Variants in SORT1 observed in about 807,000 individuals in gnomAD.
SORT1 encodes sortilin.
A neutral mutation model predicts 101.7 loss-of-function variants in SORT1; 39 were observed. The observed-to-expected ratio is 0.38, with a 90% CI of 0.30 to 0.50. The LOEUF is 0.50. SORT1 is among the 20% of genes least tolerant of loss of function. SORT1 has a pLI of 0.90. For synonymous variants in SORT1, 396 were observed against 393.7 expected (o/e 1.01, Z -0.07); for missense variants, 878 against 1,040.4 (o/e 0.84, Z 2.15).
chr1:109,384,888 G>C (rs1652476881), intron 1 of SORT1, among the ~76,000 whole-genome samples: 1 of 152,044 alleles, frequency 6.6e-6, no homozygotes, highest in Non-Finnish European at 1.5e-5. Context: ...AACCAGCCTG[G>C]GCAACATGGT....
chr1:109,386,067 A>G (rs1452249380), intron 1 of SORT1, among the ~76,000 whole-genome samples: 1 of 152,226 alleles, frequency 6.6e-6, no homozygotes, highest in African/African-American at 2.4e-5. Flanking sequence ...TTATATTAGT[A>G]TTATATATTA....
chr1:109,366,778 G>C (rs1651118575), intron 3 of SORT1: 1 of 152,094 alleles, frequency 6.6e-6, no homozygotes, highest in Non-Finnish European at 1.5e-5. Context: ...GGAGGTACGT[G>C]CCTGTAATGC....
rs1049420355 is a variant in SORT1 at position 109,347,540 on chromosome 1, G to A, written c.783-8C>T. The A allele has an allele frequency of 1.2e-6, 2 of 1,603,576 alleles. No individual in the cohort carries two copies. Among genetic ancestry groups the A allele is most frequent in the Non-Finnish European group, 8.5e-7 (1 of 1,170,602 alleles). Reference sequence around the variant, plus strand: ...ATGGTGTTGTCTGATCCCCTACAATGAGGCAAAAACAGGGAAAAGAAATGG... The same window carrying A: ...ATGGTGTTGTCTGATCCCCTACAATAAGGCAAAAACAGGGAAAAGAAATGG... On this transcript the variant is annotated splice_region_variant and splice_polypyrimidine_tract_variant and intron_variant, in intron 6 of 19. Transcript: ENST00000256637.
At chr1:109,360,107 T>A (rs149988020) in intron 3 of SORT1, among the ~76,000 whole-genome samples, 217 of 152,174 alleles carry the variant, frequency 1.4e-3, no homozygotes, top group African/African-American at 5.1e-3. Context: ...AAAGAGTAGG[T>A]CTTAAGGCTG....
At chr1:109,319,369 G>C (rs1269437305) in intron 15 of SORT1, among the ~76,000 whole-genome samples, 2 of 152,158 alleles carry the variant, frequency 1.3e-5, no homozygotes, top group Non-Finnish European at 2.9e-5. Flanking sequence ...TTGCTTCCCT[G>C]AGTATGAGGG....
At chr1:109,318,013 G>T in intron 15 of SORT1, 44 bp from the exon 16 acceptor site, 3 of 1,244,738 alleles carry the variant, frequency 2.4e-6, no homozygotes, top group African/African-American at 2.9e-5. Flanking sequence ...GCAGCTGGAA[G>T]ACCGTTAAGT....
Position 109,361,362 on chromosome 1 carries a change from T to C in SORT1, c.441-5893A>G, listed in dbSNP as rs374704715. Among the ~76,000 whole-genome samples, 53 of 152,342 alleles carry C rather than the reference T, an allele frequency of 3.5e-4. No homozygotes were observed. The South Asian group carries it at 0.011, about 30-fold the overall frequency. On this transcript the variant is annotated intron_variant, in intron 3 of 19. Transcript: ENST00000256637. ...TTTTCTCTACTGTCCAACAACAAGTTCCTCATTTCTGCCAGAAACCCATCA... is the reference window on the plus strand; with the variant it reads ...TTTTCTCTACTGTCCAACAACAAGTCCCTCATTTCTGCCAGAAACCCATCA...
At position 109,393,355 on chromosome 1, in the gene SORT1, T is replaced by A. The variant is rs948865370; in HGVS notation, c.306+4232A>T. ...AGTTCCTGGCTTTATTCATCATAAG[T>A]TTAAAAAGTTTTAAGGAAATTGTCA... On this transcript the variant is annotated intron_variant, in intron 1 of 19. Coordinates refer to ENST00000256637, the MANE Select transcript of SORT1 (RefSeq NM_002959.7). 1.4e-5 allele frequency: 14 copies of A among 974,468 alleles called. No individual in the cohort carries two copies. The African/African-American group carries it at 2.1e-4, about 15-fold the overall frequency. The allele number at this position is 974,468 out of a possible 1,614,324, so 60.4% of individuals were successfully genotyped here.
In SORT1 at chr1:109,395,208, C is replaced by CTTT. The variant is rs71069681; in HGVS notation, c.306+2376_306+2378dup. Among the ~76,000 whole-genome samples, 14 of 42,600 alleles carry CTTT rather than the reference C, an allele frequency of 3.3e-4. 1 individual carries two copies. Among genetic ancestry groups the CTTT allele is most frequent in the African/African-American group, 8.3e-4 (9 of 10,878 alleles). 27.9% of individuals were successfully genotyped at this position (42,600 alleles called of 152,430 possible). On this transcript the variant is annotated intron_variant, in intron 1 of 19. Transcript: ENST00000256637. ...CACGGATGACTAACAAACGCAAAAA[C>CTTT]TTTTTTTTTTTTTTTTTTTTTTTTT... is the stretch of plus-strand genomic sequence containing the variant.
chr1:109,390,193 A>C (rs1652813037), intron 1 of SORT1, among the ~76,000 whole-genome samples: 1 of 152,206 alleles, frequency 6.6e-6, no homozygotes, highest in South Asian at 2.1e-4. Flanking sequence ...GGGCTTTCCC[A>C]GAACACTGCA....
chr1:109,338,308 G>A (rs1648976185), intron 10 of SORT1, among the ~76,000 whole-genome samples: 1 of 152,318 alleles, frequency 6.6e-6, no homozygotes, highest in South Asian at 2.1e-4. Context: ...TATGATGAGA[G>A]TAGGGCAGAT....
chr1:109,343,773 C>A (rs7520048), intron 8 of SORT1, among the ~76,000 whole-genome samples: 2 of 151,996 alleles, frequency 1.3e-5, no homozygotes, highest in Non-Finnish European at 2.9e-5. Context: ...ATCAGCCTCC[C>A]GAGTAGCTGG....
chr1:109,377,662 A>G (rs1168143743), intron 1 of SORT1, among the ~76,000 whole-genome samples: 1 of 152,252 alleles, frequency 6.6e-6, no homozygotes, highest in Non-Finnish European at 1.5e-5. Context: ...AGAGGCACTG[A>G]GCAGGGGTAG....
chr1:109,387,410 T>C (rs545414120), intron 1 of SORT1, among the ~76,000 whole-genome samples: 1 of 152,212 alleles, frequency 6.6e-6, no homozygotes, highest in Admixed American at 6.5e-5. Flanking sequence ...GGAGGATCAC[T>C]TGAGCCCAGG....
At chr1:109,368,418 C>A (rs890456817) in intron 2 of SORT1, 4 of 151,632 alleles carry the variant, frequency 2.6e-5, no homozygotes, top group Non-Finnish European at 5.9e-5. Context: ...AGAAATTCTA[C>A]TGAAAGTTTA....
intron 11 of SORT1, among the ~76,000 whole-genome samples, chr1:109,334,770 C>T (rs921967451): frequency 2.0e-5 from 3 of 152,060 alleles, no homozygotes; most frequent in African/African-American, 7.2e-5. Context: ...ATCAAAACAT[C>T]ACAGTGTACA....
At chr1:109,358,458 G>A (rs910065532) in intron 3 of SORT1, among the ~76,000 whole-genome samples, 3 of 152,146 alleles carry the variant, frequency 2.0e-5, no homozygotes, top group African/African-American at 4.8e-5. Context: ...AAGCAACTTT[G>A]ATAAATCTAA....
rs1208356152 is a variant in SORT1 at position 109,310,795 on chromosome 1, G to C, written c.*3248C>G. The C allele has an allele frequency of 6.6e-6, 1 of 152,242 alleles. No homozygotes were observed. Among genetic ancestry groups the C allele is most frequent in the Non-Finnish European group, 1.5e-5 (1 of 68,054 alleles). The allele number at this position is 152,242 out of a possible 1,614,324, so 9.4% of individuals were successfully genotyped here. ...GGCCAGCCCCGTTACCCTGGGGTGG[G>C]TATGGATGGCCCTGGGCTCCCCTCC... is the stretch of plus-strand genomic sequence containing the variant. On this transcript the variant is annotated 3_prime_UTR_variant, in exon 20 of 20. Transcript: ENST00000256637.
intron 4 of SORT1, 76 bp from the exon 5 acceptor site, chr1:109,354,607 AC>A: frequency 9.1e-7 from 1 of 1,098,452 alleles, no homozygotes. Context: ...CACCATTTTC[AC>A]CAGACATTAG....
Sources: gnomAD v4.1 joint callset for allele counts (sites outside exome capture counted in the v4.1 genomes callset) on GRCh38, gnomAD v4.1.1 for gene constraint, MANE v1.5 for transcripts, NCBI Gene and HGNC (gene_info 2026-07-23, HGNC 2026-07-21) for gene names.